GALNTL6: variants seen among roughly 807,000 people sequenced by gnomAD.
GALNTL6 encodes the protein polypeptide N-acetylgalactosaminyltransferase like 6.
A neutral mutation model predicts 73.7 loss-of-function variants in GALNTL6; 46 were observed. That is an observed-to-expected ratio of 0.62 (90% confidence interval 0.49 to 0.80). The LOEUF (loss-of-function observed/expected upper bound fraction) is 0.80, where lower values mean the gene tolerates loss of function less well. Among genes scored for constraint, GALNTL6 ranks in the 30% least tolerant of loss-of-function variants. GALNTL6 has a pLI of 0.00. For missense variants in GALNTL6, 604 were observed against 755.0 expected, an observed-to-expected ratio of 0.80 and a Z score of 2.34; for synonymous variants, 259 against 263.7, an observed-to-expected ratio of 0.98 and a Z score of 0.17.
intron 4 of GALNTL6, among the ~76,000 whole-genome samples, chr4:172,346,100 G>T (rs573516732): frequency 9.2e-5 from 14 of 152,326 alleles, no homozygotes; most frequent in Non-Finnish European, 1.5e-4. Context: ...GGAATGGTGA[G>T]TGCTAAGGAG....
chr4:172,793,763 C>A (rs1579490460), intron 5 of GALNTL6, among the ~76,000 whole-genome samples: 1 of 152,252 alleles, frequency 6.6e-6, no homozygotes, highest in Middle Eastern at 3.4e-3. Flanking sequence ...ACTTTCTGAG[C>A]CAACTTTTGC....
At chr4:172,206,834 T>TTTTTTTTTTC (rs1736143417) in intron 2 of GALNTL6, among the ~76,000 whole-genome samples, 1 of 123,124 alleles carries the variant, frequency 8.1e-6, no homozygotes, top group African/African-American at 2.8e-5. Context: ...TTTTTTTTTT[T>TTTTTTTTTTC]TGAGACGGAG....
chr4:172,618,625 T>G (rs1320512538), intron 5 of GALNTL6, among the ~76,000 whole-genome samples: 1 of 152,220 alleles, frequency 6.6e-6, no homozygotes, highest in Non-Finnish European at 1.5e-5. Flanking sequence ...TGTTATCACT[T>G]GCATCTATAC....
chr4:173,009,350 C>A, intron 11 of GALNTL6, 56 bp downstream of exon 11: 2 of 1,007,822 alleles, frequency 2.0e-6, no homozygotes, highest in Non-Finnish European at 3.2e-6. Flanking sequence ...CTGATGCAGA[C>A]ACAGAGGGAT....
intron 2 of GALNTL6, among the ~76,000 whole-genome samples, chr4:171,883,556 T>C (rs759363948): frequency 2.6e-4 from 39 of 152,160 alleles, no homozygotes; most frequent in Non-Finnish European, 4.3e-4. Context: ...GGCATATTAT[T>C]TTGACGTCAG....
intron 5 of GALNTL6, among the ~76,000 whole-genome samples, chr4:172,757,179 T>C (rs901403833): frequency 6.6e-6 from 1 of 152,216 alleles, no homozygotes; most frequent in Non-Finnish European, 1.5e-5. Flanking sequence ...CTGAAATACC[T>C]AATGCACAGT....
At chr4:172,880,242 C>A (rs1250262618) in intron 7 of GALNTL6, among the ~76,000 whole-genome samples, 2 of 151,938 alleles carry the variant, frequency 1.3e-5, no homozygotes, top group South Asian at 4.2e-4. Context: ...CCCCAAACTG[C>A]GAACAACCCA....
rs149681285 is a variant in GALNTL6 at position 171,987,424 on chromosome 4, A to G, written c.138+172706A>G. On this transcript the variant is annotated intron_variant, in intron 2 of 12. Transcript: ENST00000506823. ...AATTATGTCTGACAGAAGGGAAGAAATGACTGCGGTGGCCTTCTCAGACGC... is the reference window on the plus strand; with the variant it reads ...AATTATGTCTGACAGAAGGGAAGAAGTGACTGCGGTGGCCTTCTCAGACGC... Among the ~76,000 whole-genome samples the G allele has an allele frequency of 1.3e-3, 199 of 152,312 alleles. 3 individuals carry two copies. The East Asian group carries it at 0.03, about 23-fold the overall frequency.
chr4:172,780,163 GA>G (rs928783972), intron 5 of GALNTL6, among the ~76,000 whole-genome samples: 1 of 151,532 alleles, frequency 6.6e-6, no homozygotes, highest in African/African-American at 2.4e-5. Flanking sequence ...TGAAGCTCTG[GA>G]AAAAAGAAAC....
intron 2 of GALNTL6, among the ~76,000 whole-genome samples, chr4:171,838,639 A>T (rs1347300300): frequency 6.6e-6 from 1 of 152,122 alleles, no homozygotes; most frequent in Non-Finnish European, 1.5e-5. Flanking sequence ...TGAGTTTCTA[A>T]CATTAGTCCG....
chr4:172,302,150 G>A (rs550423100), intron 3 of GALNTL6, among the ~76,000 whole-genome samples: 2 of 152,304 alleles, frequency 1.3e-5, no homozygotes, highest in Non-Finnish European at 1.5e-5. Flanking sequence ...GGCTCTGTGG[G>A]CGTAGGACCC....
chr4:172,682,211 T>A (rs1246662011), intron 5 of GALNTL6, among the ~76,000 whole-genome samples: 2 of 152,176 alleles, frequency 1.3e-5, no homozygotes, highest in Admixed American at 1.3e-4. Context: ...CCTAAAGATT[T>A]GTTCTTCGTT....
At chr4:173,022,139 GAA>G (rs1262838065) in intron 12 of GALNTL6, among the ~76,000 whole-genome samples, 10 of 144,480 alleles carry the variant, frequency 6.9e-5, no homozygotes, top group Non-Finnish European at 7.6e-5. Context: ...AAGAAGGAAG[GAA>G]AAGAGAGAGA....
At chr4:172,422,912 A>G (rs1731101417) in intron 5 of GALNTL6, among the ~76,000 whole-genome samples, 1 of 151,188 alleles carries the variant, frequency 6.6e-6, no homozygotes, top group South Asian at 2.1e-4. Flanking sequence ...GATGTACAAT[A>G]GAGGGAAGAG....
chr4:172,076,431 G>T (rs543407101), intron 2 of GALNTL6, among the ~76,000 whole-genome samples: 1 of 152,254 alleles, frequency 6.6e-6, no homozygotes, highest in East Asian at 1.9e-4. Context: ...ATGGTAATAG[G>T]TGTACTGAAT....
chr4:172,015,535 C>CACTT (rs1424546668), intron 2 of GALNTL6, among the ~76,000 whole-genome samples: 1 of 152,004 alleles, frequency 6.6e-6, no homozygotes, highest in East Asian at 1.9e-4. Context: ...GCATTTGGAC[C>CACTT]ACTTACATTT....
chr4:172,344,093 AT>A (rs1326413602), intron 4 of GALNTL6, among the ~76,000 whole-genome samples: 1 of 152,110 alleles, frequency 6.6e-6, no homozygotes, highest in Non-Finnish European at 1.5e-5. Context: ...TTCTTATTCT[AT>A]TTGTGAATTT....
chr4:172,722,042 A>G (rs1028463150), intron 5 of GALNTL6, among the ~76,000 whole-genome samples: 7 of 151,848 alleles, frequency 4.6e-5, no homozygotes, highest in African/African-American at 1.7e-4. Flanking sequence ...TCCTGCACGA[A>G]CAGAGTTCTG....
At chr4:172,338,591 G>A (rs749403723) in intron 4 of GALNTL6, among the ~76,000 whole-genome samples, 2 of 152,100 alleles carry the variant, frequency 1.3e-5, no homozygotes, top group Non-Finnish European at 2.9e-5. Context: ...TTCAAGCTCC[G>A]GGCCAGTAGA....
Sources: gnomAD v4.1 joint callset for allele counts (sites outside exome capture counted in the v4.1 genomes callset) on GRCh38, gnomAD v4.1.1 for gene constraint, MANE v1.5 for transcripts, NCBI Gene and HGNC (gene_info 2026-07-23, HGNC 2026-07-21) for gene names.